Variants in QTMAN observed in about 807,000 individuals in gnomAD.
QTMAN encodes tRNA-queuosine alpha-mannosyltransferase.
the QTMAN span, among the ~76,000 whole-genome samples, chr2:144,286,249 TAG>T: frequency 6.6e-6 from 1 of 152,156 alleles, no homozygotes; most frequent in Non-Finnish European, 1.5e-5. Flanking sequence ...CCTTCCAAAT[TAG>T]AGACTCATGA....
chr2:144,028,080 C>T, the QTMAN span, among the ~76,000 whole-genome samples: 1 of 152,020 alleles, frequency 6.6e-6, no homozygotes, highest in Non-Finnish European at 1.5e-5. Context: ...CTTATCCTTC[C>T]TTGGAAGGAA....
the QTMAN span, among the ~76,000 whole-genome samples, chr2:144,082,469 G>C: frequency 6.6e-6 from 1 of 152,024 alleles, no homozygotes; most frequent in Non-Finnish European, 1.5e-5. Flanking sequence ...TGGGGGGAAG[G>C]GGGTGTATAC....
At chr2:143,981,146 T>C in the QTMAN span, among the ~76,000 whole-genome samples, 1 of 152,240 alleles carries the variant, frequency 6.6e-6, no homozygotes, top group African/African-American at 2.4e-5. Flanking sequence ...TATTATTTCA[T>C]ATTTATTTGT....
chr2:144,046,959 T>C, the QTMAN span, among the ~76,000 whole-genome samples: 2 of 152,190 alleles, frequency 1.3e-5, no homozygotes, highest in Non-Finnish European at 2.9e-5. Context: ...TAAAGTGGCT[T>C]TCTGTCACCC....
the QTMAN span, among the ~76,000 whole-genome samples, chr2:144,287,359 C>T: frequency 2.0e-5 from 3 of 150,438 alleles, no homozygotes; most frequent in Non-Finnish European, 2.9e-5. Flanking sequence ...GGCGTGAACC[C>T]GGGAGGCAGA....
At chr2:144,221,133 T>C in the QTMAN span, among the ~76,000 whole-genome samples, 1 of 152,316 alleles carries the variant, frequency 6.6e-6, no homozygotes, top group Admixed American at 6.5e-5. Flanking sequence ...GTCTCCAAAA[T>C]GTAGACTGAA....
At chr2:144,332,521 CCCGCGGCCG>C in the QTMAN span, 3 of 147,852 alleles carry the variant, frequency 2.0e-5, no homozygotes, top group Non-Finnish European at 4.5e-5. Flanking sequence ...GTGCCCCTCC[CCCGCGGCCG>C]CCGCGGATGC....
chr2:144,326,986 T>G, the QTMAN span, among the ~76,000 whole-genome samples: 1 of 152,124 alleles, frequency 6.6e-6, no homozygotes, highest in African/African-American at 2.4e-5. Flanking sequence ...CTTGATCCAG[T>G]CTTTTGCTAC....
chr2:144,065,456 G>C, the QTMAN span, among the ~76,000 whole-genome samples: 1 of 152,180 alleles, frequency 6.6e-6, no homozygotes, highest in Non-Finnish European at 1.5e-5. Flanking sequence ...GATACATGTA[G>C]GAGATTTTTT....
At chr2:144,328,772 A>G in the QTMAN span, among the ~76,000 whole-genome samples, 6 of 152,300 alleles carry the variant, frequency 3.9e-5, no homozygotes, top group South Asian at 1.2e-3. Flanking sequence ...TAGAAAGAAA[A>G]AAAAAGAAAG....
At chr2:143,941,065 T>C in the QTMAN span, 1 of 152,178 alleles carries the variant, frequency 6.6e-6, no homozygotes, top group African/African-American at 2.4e-5. Context: ...GTTTTTCCCT[T>C]CTTGAAGAGG....
chr2:144,150,599 T>C, the QTMAN span, among the ~76,000 whole-genome samples: 147 of 152,026 alleles, frequency 9.7e-4, 1 homozygote, highest in Non-Finnish European at 1.9e-3. Flanking sequence ...CTGACACCCA[T>C]GTTTCCTGAA....
chr2:144,207,176 G>C, the QTMAN span, among the ~76,000 whole-genome samples: 1 of 152,068 alleles, frequency 6.6e-6, no homozygotes, highest in Non-Finnish European at 1.5e-5. Flanking sequence ...ATCATGTAAA[G>C]AAGGATACAC....
At chr2:144,258,052 T>C in the QTMAN span, among the ~76,000 whole-genome samples, 2 of 151,494 alleles carry the variant, frequency 1.3e-5, no homozygotes, top group African/African-American at 4.9e-5. Flanking sequence ...AATCATAGAT[T>C]AAAGCCACCA....
chr2:144,133,153 T>TATATATATAA, the QTMAN span, among the ~76,000 whole-genome samples: 1 of 41,652 alleles, frequency 2.4e-5, no homozygotes, highest in African/African-American at 1.3e-4. Context: ...ATATATATAA[T>TATATATATAA]ATAATATAAT....
the QTMAN span, among the ~76,000 whole-genome samples, chr2:144,292,083 T>A: frequency 6.6e-6 from 1 of 152,228 alleles, no homozygotes; most frequent in Admixed American, 6.5e-5. Context: ...AAATGAGTAC[T>A]GTAATATCTA....
At chr2:144,117,990 T>C in the QTMAN span, among the ~76,000 whole-genome samples, 1 of 151,970 alleles carries the variant, frequency 6.6e-6, no homozygotes, top group East Asian at 1.9e-4. Context: ...GGACTACAGG[T>C]GCCCGCCACC....
chr2:144,176,642 G>A, the QTMAN span, among the ~76,000 whole-genome samples: 96 of 152,224 alleles, frequency 6.3e-4, no homozygotes, highest in African/African-American at 2.2e-3. Context: ...GGCTGATAGT[G>A]CACACAATTA....
chr2:143,991,486 C>T, the QTMAN span, among the ~76,000 whole-genome samples: 1 of 142,038 alleles, frequency 7.0e-6, no homozygotes, highest in Non-Finnish European at 1.5e-5. Context: ...GTGAGGGGCG[C>T]CTCTGCCCGG....
Sources: allele counts gnomAD v4.1 joint callset (sites outside exome capture counted in the v4.1 genomes callset), GRCh38; gene constraint gnomAD v4.1.1; transcripts MANE v1.5; gene names NCBI Gene and HGNC (gene_info 2026-07-23, HGNC 2026-07-21).